Variants in SCN3A observed in about 807,000 individuals in gnomAD.
The protein encoded by SCN3A is sodium voltage-gated channel alpha subunit 3.
In SCN3A, 60 loss-of-function variants were observed where a neutral mutation model predicts 187.6. The observed-to-expected ratio is 0.32, with a 90% CI of 0.26 to 0.40. The LOEUF (loss-of-function observed/expected upper bound fraction) is 0.40, where lower values mean the gene tolerates loss of function less well. SCN3A is among the 10% of genes least tolerant of loss of function. The pLI is 1.00. For missense variants in SCN3A, 1,601 were observed against 2,428.2 expected (o/e 0.66, Z 7.16); for synonymous variants, 788 against 829.2 (o/e 0.95, Z 0.85).
intron 9 of SCN3A, among the ~76,000 whole-genome samples, chr2:165,156,228 C>T (rs537397634): frequency 1.5e-4 from 23 of 152,046 alleles, no homozygotes; most frequent in African/African-American, 5.1e-4. Context: ...AAATTAAGGC[C>T]GGGTGCAGTG....
chr2:165,179,255 C>T (rs570739497), intron 2 of SCN3A, among the ~76,000 whole-genome samples: 1 of 152,274 alleles, frequency 6.6e-6, no homozygotes, highest in East Asian at 1.9e-4. Flanking sequence ...GAGTCTGCTG[C>T]TAATGGTATG....
At chr2:165,168,167 C>T (rs923597883) in intron 5 of SCN3A, among the ~76,000 whole-genome samples, 1 of 152,002 alleles carries the variant, frequency 6.6e-6, no homozygotes, top group Non-Finnish European at 1.5e-5. Context: ...ATCATGTTTC[C>T]CCTAAGCCCT....
Position 165,091,361 on chromosome 2 carries a change from A to C in SCN3A, c.4808-16T>G, listed in dbSNP as rs535651218. On this transcript the variant is annotated splice_polypyrimidine_tract_variant and intron_variant, in intron 27 of 27. Coordinates refer to ENST00000283254, the MANE Select transcript of SCN3A (RefSeq NM_006922.4). ...AGAAACATACCTATGGAAAACATAGAACACAGCTAAACAGATAATATCTTT... is the reference window on the plus strand; with the variant it reads ...AGAAACATACCTATGGAAAACATAGCACACAGCTAAACAGATAATATCTTT... 6.2e-7 allele frequency: 1 copy of C among 1,613,676 alleles called. No individual in the cohort carries two copies. Among genetic ancestry groups the C allele is most frequent in the African/African-American group, 1.3e-5 (1 of 75,038 alleles).
intron 17 of SCN3A, among the ~76,000 whole-genome samples, chr2:165,128,369 T>C (rs1162565563): frequency 6.6e-6 from 1 of 152,134 alleles, no homozygotes; most frequent in Non-Finnish European, 1.5e-5. Context: ...ATTTAAATGG[T>C]GTCTACTCAG....
rs1451077208 is a variant in SCN3A at position 165,137,826 on chromosome 2, T to A, written c.2391+53A>T. Reference sequence around the variant, plus strand: ...AGCACAAATACATCTTTCCCTTTGGTCTATCTCTCCCACATCTACCAAAGT... The same window carrying A: ...AGCACAAATACATCTTTCCCTTTGGACTATCTCTCCCACATCTACCAAAGT... On this transcript the variant is annotated intron_variant, in intron 15 of 27. Coordinates refer to ENST00000283254, the MANE Select transcript of SCN3A (RefSeq NM_006922.4). 2.2e-6 allele frequency: 3 copies of A among 1,351,414 alleles called. 1 individual carries two copies. The highest frequency in any genetic ancestry group is 1.1e-6 in the Non-Finnish European group (1 of 941,346). The allele number at this position is 1,351,414 out of a possible 1,614,324, so 83.7% of individuals were successfully genotyped here.
chr2:165,140,203 T>C lies in SCN3A; in HGVS notation c.2019+448A>G, dbSNP rs1338206463. Among the ~76,000 whole-genome samples, 2 of 152,204 alleles carry C rather than the reference T, an allele frequency of 1.3e-5. No individual in the cohort carries two copies. The highest frequency in any genetic ancestry group is 2.9e-5 in the Non-Finnish European group (2 of 68,030). On this transcript the variant is annotated intron_variant, in intron 13 of 27. Transcript: ENST00000283254. The surrounding 1 kb of genome is among the most constrained non-coding windows in gnomAD (Gnocchi z 4.2). ...TCATTTTAAAATAGCACTGTAAATA[T>C]TGACAGTTGTATGAAATTGCCCATT...
chr2:165,164,016 G>C, intron 6 of SCN3A: 1 of 860,696 alleles, frequency 1.2e-6, no homozygotes, highest in Non-Finnish European at 1.8e-6. Flanking sequence ...TAGACCTCAG[G>C]CTGCCATATG....
intron 1 of SCN3A, among the ~76,000 whole-genome samples, chr2:165,194,143 T>C (rs553351671): frequency 3.9e-5 from 6 of 152,116 alleles, no homozygotes; most frequent in Admixed American, 6.6e-5. Context: ...GAAGGAGAGA[T>C]ATACAAGTTG....
chr2:165,162,734 G>T lies in SCN3A; in HGVS notation c.789C>A (p.Leu263=), dbSNP rs1199781670. 6.2e-7 allele frequency: 1 copy of T among 1,614,112 alleles called. No homozygotes were observed. The highest frequency in any genetic ancestry group is 8.5e-7 in the Non-Finnish European group (1 of 1,180,000). ...TGCCCATGAACAGCTGCAGCCCAAT[G>T]AGAGCAAACACGCTCAGACAGAACA... The part of the protein sequence containing the change: ...LTVFCLSVFA[L]IGLQLFMGNL... The change falls in exon 8 of 28, where the codon CTC becomes CTA. Residue 263 remains leucine, a synonymous_variant. Coordinates refer to ENST00000283254, the MANE Select transcript of SCN3A (RefSeq NM_006922.4).
chr2:165,142,838 C>T (rs778082606), intron 12 of SCN3A, among the ~76,000 whole-genome samples: 3 of 151,964 alleles, frequency 2.0e-5, no homozygotes, highest in African/African-American at 4.8e-5. Context: ...GCAATCTCCA[C>T]CTCCCAAGTT....
intron 2 of SCN3A, among the ~76,000 whole-genome samples, chr2:165,183,152 A>C (rs1690996297): frequency 6.6e-6 from 1 of 152,156 alleles, no homozygotes; most frequent in African/African-American, 2.4e-5. Context: ...AAGTTAGAAC[A>C]ATTACCTAGA....
chr2:165,187,970 G>A lies in SCN3A; in HGVS notation c.-247-1223C>T, dbSNP rs554715007. Among the ~76,000 whole-genome samples the A allele has an allele frequency of 9.2e-5, 14 of 152,298 alleles. 1 individual carries two copies. The East Asian group carries it at 1.5e-3, about 17-fold the overall frequency. On this transcript the variant is annotated intron_variant, in intron 1 of 27. Coordinates refer to ENST00000283254, the MANE Select transcript of SCN3A (RefSeq NM_006922.4). ...GTCTTCATAGTACACAAGTAACTAA[G>A]TTTTAAATACTTTGACCTTCATCCT... is the stretch of plus-strand genomic sequence containing the variant.
intron 1 of SCN3A, among the ~76,000 whole-genome samples, chr2:165,194,228 G>A (rs1691794803): frequency 6.6e-6 from 1 of 152,146 alleles, no homozygotes; most frequent in South Asian, 2.1e-4. Context: ...GATCTCAGAT[G>A]TTTCGTGTTT....
chr2:165,106,127 C>T (rs1013405093), intron 21 of SCN3A, among the ~76,000 whole-genome samples: 1 of 152,148 alleles, frequency 6.6e-6, no homozygotes, highest in Non-Finnish European at 1.5e-5. Context: ...AAATCTGGTG[C>T]ACTCATCACT....
intron 1 of SCN3A, among the ~76,000 whole-genome samples, 190 bp from the exon 2 acceptor site, chr2:165,186,937 A>G (rs1288113721): frequency 6.6e-6 from 1 of 152,078 alleles, no homozygotes; most frequent in Non-Finnish European, 1.5e-5. Flanking sequence ...GAAGAATGGG[A>G]CCAGGAACCA....
intron 11 of SCN3A, among the ~76,000 whole-genome samples, chr2:165,150,764 C>A (rs963249869): frequency 6.6e-5 from 10 of 152,044 alleles, no homozygotes; most frequent in African/African-American, 2.4e-4. Context: ...AGAATAAACT[C>A]ATTATCTGTG....
At chr2:165,189,521 C>T (rs1691462657) in intron 1 of SCN3A, among the ~76,000 whole-genome samples, 1 of 152,124 alleles carries the variant, frequency 6.6e-6, no homozygotes, top group African/African-American at 2.4e-5. Context: ...AGTGATAGCT[C>T]AAACAGCATG....
At chr2:165,116,124 A>G (rs989987372) in intron 18 of SCN3A, among the ~76,000 whole-genome samples, 3 of 152,072 alleles carry the variant, frequency 2.0e-5, no homozygotes, top group Non-Finnish European at 4.4e-5. Context: ...TTTGAGCTCT[A>G]TTTTTCTCTG....
At chr2:165,166,562 A>G (rs749607770) in intron 5 of SCN3A, among the ~76,000 whole-genome samples, 6 of 152,240 alleles carry the variant, frequency 3.9e-5, no homozygotes, top group Non-Finnish European at 5.9e-5. Flanking sequence ...CTTGCCTTAT[A>G]TAACATTCCC....
Sources: allele counts gnomAD v4.1 joint callset (sites outside exome capture counted in the v4.1 genomes callset), GRCh38; gene constraint gnomAD v4.1.1; non-coding constraint Gnocchi (gnomAD v3.1); transcripts MANE v1.5; gene names NCBI Gene and HGNC (gene_info 2026-07-23, HGNC 2026-07-21).